Variants in SLC18B1 observed in about 807,000 individuals in gnomAD.
SLC18B1 encodes MFS-type transporter SLC18B1.
A neutral mutation model predicts 53.9 loss-of-function variants in SLC18B1; 62 were observed. That is an observed-to-expected ratio of 1.15 (90% CI 0.94 to 1.42). The LOEUF is 1.42. Among genes scored for constraint, SLC18B1 ranks in the 40% most tolerant of loss-of-function variants. SLC18B1 has a pLI of 0.00. For synonymous variants in SLC18B1, 217 were observed against 200.9 expected, an observed-to-expected ratio of 1.08 and a Z score of -0.68; for missense variants, 598 against 547.3, an observed-to-expected ratio of 1.09 and a Z score of -0.93.
Position 132,770,291 on chromosome 6 carries a change from A to G in SLC18B1, c.1350T>C (p.Thr450=). ...CGGACTAGGTTTCATTAGGCAAGAG[A>G]GTAGTTCGTTCCTCCTCTGTGCTGA... ...NILSTEEERT[T]LLPNET The change falls in exon 14 of 14, where the codon ACT becomes ACC. Residue 450 remains threonine, a synonymous_variant. Coordinates refer to ENST00000275227, the MANE Select transcript of SLC18B1 (RefSeq NM_052831.3). 6.2e-7 allele frequency: 1 copy of G among 1,613,874 alleles called. No individual in the cohort carries two copies. Among genetic ancestry groups the G allele is most frequent in the South Asian group, 1.1e-5 (1 of 91,086 alleles).
At chr6:132,783,016 C>T (rs961374706) in intron 6 of SLC18B1, among the ~76,000 whole-genome samples, 2 of 152,084 alleles carry the variant, frequency 1.3e-5, no homozygotes, top group African/African-American at 4.8e-5. Flanking sequence ...CTCAGGTGAT[C>T]TGCCCGCCTC....
At chr6:132,787,615 G>A (rs879166911) in intron 4 of SLC18B1, 34 bp from the exon 5 acceptor site, 1 of 1,480,546 alleles carries the variant, frequency 6.8e-7, no homozygotes, top group South Asian at 1.4e-5. Context: ...GAAATGCCAA[G>A]CTGGTTTTCT....
At chr6:132,778,592 G>C (rs1781152308) in intron 7 of SLC18B1, among the ~76,000 whole-genome samples, 4 of 152,048 alleles carry the variant, frequency 2.6e-5, no homozygotes, top group Non-Finnish European at 5.9e-5. Context: ...TTTAAATCTA[G>C]TGCCTCAAAG....
chr6:132,789,800 C>A lies in SLC18B1; in HGVS notation c.317G>T (p.Gly106Val). The A allele has an allele frequency of 6.2e-7, 1 of 1,613,564 alleles. No homozygotes were observed. The highest frequency in any genetic ancestry group is 1.1e-5 in the South Asian group (1 of 91,056). The change falls in exon 4 of 14, where the codon GGA (glycine) becomes GTA (valine). Residue 106 changes from glycine to valine, a missense_variant. Transcript: ENST00000275227. Reference sequence around the variant, plus strand: ...TGTAACTCCTCCTGAGACAAACATTCCTGCTACAAACATAAATTTTGCTCC... The same window carrying A: ...TGTAACTCCTCCTGAGACAAACATTACTGCTACAAACATAAATTTTGCTCC... ...HIGAKFMFVA[G>V]MFVSGGVTIL...
At chr6:132,793,725 T>A (rs1781604512) in intron 2 of SLC18B1, among the ~76,000 whole-genome samples, 1 of 152,248 alleles carries the variant, frequency 6.6e-6, no homozygotes, top group African/African-American at 2.4e-5. Context: ...ATTCATAATC[T>A]ATAACCAGAT....
At chr6:132,793,212 C>T (rs957450050) in intron 2 of SLC18B1, among the ~76,000 whole-genome samples, 33 of 152,128 alleles carry the variant, frequency 2.2e-4, no homozygotes, top group African/African-American at 8.0e-4. Context: ...AGGAATCCCA[C>T]ACCATAATTT....
chr6:132,770,326 G>A lies in SLC18B1; in HGVS notation c.1315C>T (p.Gln439Ter). 6.2e-7 allele frequency: 1 copy of A among 1,613,306 alleles called. No homozygotes were observed. Among genetic ancestry groups the A allele is most frequent in the South Asian group, 1.1e-5 (1 of 91,042 alleles). Residue 439 changes from glutamine to a stop codon, truncating the protein, a stop_gained, in exon 14 of 14, where the codon CAA (glutamine) becomes TAA (stop). Transcript: ENST00000275227. LOFTEE classifies it low-confidence loss of function (END_TRUNC). ...TCCTCCTCTGTGCTGAGGATGTTTT[G>A]AGATTTAGACCTACATTGAGGGAAA... ...EYSRRKRSKS[Q>*]NILSTEEERT...
rs982722996 is a variant in SLC18B1 at position 132,769,612 on chromosome 6, C to T, written c.*658G>A. The T allele has an allele frequency of 1.3e-5, 2 of 152,188 alleles. No homozygotes were observed. The highest frequency in any genetic ancestry group is 3.8e-4 in the East Asian group (2 of 5,196). The allele number at this position is 152,188 out of a possible 1,614,324, so 9.4% of individuals were successfully genotyped here. On this transcript the variant is annotated 3_prime_UTR_variant, in exon 14 of 14. Transcript: ENST00000275227. ...CCAAGTAATGTTTATAAATCCAGAT[C>T]ATAAGTGAACGTAGGTTACAAAAAT... is the stretch of plus-strand genomic sequence containing the variant.
chr6:132,790,785 C>T lies in SLC18B1; in HGVS notation c.184-513G>A, dbSNP rs534715527. Among the ~76,000 whole-genome samples, 13 of 152,302 alleles carry T rather than the reference C, an allele frequency of 8.5e-5. 1 individual carries two copies. Among genetic ancestry groups the T allele is most frequent in the Admixed American group, 5.2e-4 (8 of 15,300 alleles). On this transcript the variant is annotated intron_variant, in intron 2 of 13. Transcript: ENST00000275227. Reference sequence around the variant, plus strand: ...TGTTTCTGACAGTAATACCAATTACCTGACAGTTTGGAGAAGACAGTTTTC... The same window carrying T: ...TGTTTCTGACAGTAATACCAATTACTTGACAGTTTGGAGAAGACAGTTTTC...
intron 3 of SLC18B1, 44 bp from the exon 4 acceptor site, chr6:132,789,881 A>G (rs771635243): frequency 1.5e-6 from 2 of 1,367,340 alleles, no homozygotes. Context: ...ATGACTTCCG[A>G]AAGTCTATAT....
chr6:132,781,936 G>A (rs994042208), intron 6 of SLC18B1, among the ~76,000 whole-genome samples: 10 of 151,528 alleles, frequency 6.6e-5, no homozygotes, highest in Non-Finnish European at 1.2e-4. Context: ...ACCTGTAATC[G>A]CAGCACTTTG....
intron 6 of SLC18B1, among the ~76,000 whole-genome samples, chr6:132,782,170 A>G (rs935603353): frequency 6.6e-6 from 1 of 151,134 alleles, no homozygotes; most frequent in African/African-American, 2.4e-5. Flanking sequence ...CCGGGGTGAC[A>G]GAGTGAGACT....
chr6:132,795,146 C>T (rs1439343710), intron 2 of SLC18B1, among the ~76,000 whole-genome samples: 2 of 148,708 alleles, frequency 1.3e-5, no homozygotes, highest in African/African-American at 5.0e-5. Flanking sequence ...AGAGGGAAGC[C>T]AGAAGAAAAT....
At chr6:132,771,224 T>A (rs1780967062) in intron 11 of SLC18B1, 95 bp from the exon 12 acceptor site, 2 of 1,117,724 alleles carry the variant, frequency 1.8e-6, no homozygotes, top group East Asian at 2.4e-5. Context: ...AAGTCTTCAT[T>A]ACATTGGAAG....
intron 6 of SLC18B1, 63 bp downstream of exon 6, chr6:132,783,870 T>A: frequency 2.4e-6 from 3 of 1,242,124 alleles, no homozygotes; most frequent in Non-Finnish European, 3.2e-6. Context: ...GTAAAACTGG[T>A]CTCTTACAAA....
chr6:132,773,284 G>A (rs565363644), intron 9 of SLC18B1, among the ~76,000 whole-genome samples, 196 bp from the exon 10 acceptor site: 9 of 136,424 alleles, frequency 6.6e-5, no homozygotes, highest in South Asian at 5.6e-4. Flanking sequence ...TTTTGGGGGC[G>A]GGGGGGTGGG....
In SLC18B1 at chr6:132,790,284, A is replaced by G. The variant is rs774828825; in HGVS notation, c.184-12T>C. ...CCCTTCTTTTCAGCCTTTAAGTAAT[A>G]GAAACGGAAACAAAGTTTCAAAGAA... On this transcript the variant is annotated splice_polypyrimidine_tract_variant and intron_variant, in intron 2 of 13. Transcript: ENST00000275227. The G allele has an allele frequency of 1.3e-6, 2 of 1,510,926 alleles. No homozygotes were observed. The highest frequency in any genetic ancestry group is 4.8e-5 in the East Asian group (2 of 41,828). The allele number at this position is 1,510,926 out of a possible 1,614,324, so 93.6% of individuals were successfully genotyped here.
At chr6:132,773,595 C>CT (rs1781032091) in intron 9 of SLC18B1, among the ~76,000 whole-genome samples, 1 of 152,120 alleles carries the variant, frequency 6.6e-6, no homozygotes, top group South Asian at 2.1e-4. Flanking sequence ...TTATCAGCTC[C>CT]TTTTTGTAGA....
chr6:132,781,616 G>A (rs918500986), intron 6 of SLC18B1, among the ~76,000 whole-genome samples: 2 of 151,992 alleles, frequency 1.3e-5, no homozygotes, highest in Non-Finnish European at 2.9e-5. Context: ...AATCAGCCAG[G>A]TGTGGTGGCG....
Sources: gnomAD v4.1 joint callset for allele counts (sites outside exome capture counted in the v4.1 genomes callset) on GRCh38, gnomAD v4.1.1 for gene constraint, MANE v1.5 for transcripts, NCBI Gene and HGNC (gene_info 2026-07-23, HGNC 2026-07-21) for gene names.